Variants in PTPRN2 observed in about 807,000 individuals in gnomAD.
The protein encoded by PTPRN2 is protein tyrosine phosphatase receptor type N2.
Under a neutral mutation model 118.8 loss-of-function variants are expected in PTPRN2, and 74 were observed. That is an observed-to-expected ratio of 0.62 (90% CI 0.52 to 0.76). The LOEUF is 0.76. PTPRN2 is among the 30% of genes least tolerant of loss of function. The pLI is 0.00. For missense variants in PTPRN2, 1,481 were observed against 1,394.4 expected, an observed-to-expected ratio of 1.06 and a Z score of -0.99; for synonymous variants, 641 against 608.0, an observed-to-expected ratio of 1.05 and a Z score of -0.80.
At chr7:157,572,348 C>T (rs1799796135) in intron 19 of PTPRN2, among the ~76,000 whole-genome samples, 1 of 152,134 alleles carries the variant, frequency 6.6e-6, no homozygotes. Context: ...CAATGTGCTG[C>T]GTGAACTCCT....
In PTPRN2 at chr7:158,407,521, GC is replaced by G. The variant is rs1813666186; in HGVS notation, c.163+82213del. On this transcript the variant is annotated intron_variant, in intron 2 of 22. Coordinates refer to ENST00000389418, the MANE Select transcript of PTPRN2 (RefSeq NM_002847.5). Reference sequence around the variant, plus strand: ...TCCTGCGTCCTGGGTCCTGCGTCCTGCGTCCTGCGTCCTGGGTCCTGCGTCC... The same window carrying G: ...TCCTGCGTCCTGGGTCCTGCGTCCTGGTCCTGCGTCCTGGGTCCTGCGTCC... Among the ~76,000 whole-genome samples, 2 of 16,754 alleles carry G rather than the reference GC, an allele frequency of 1.2e-4. 1 individual carries two copies. The highest frequency in any genetic ancestry group is 2.2e-4 in the Non-Finnish European group (2 of 8,960). 11.0% of individuals were successfully genotyped at this position (16,754 alleles called of 152,430 possible).
chr7:157,959,582 G>A (rs1801392887), intron 11 of PTPRN2, among the ~76,000 whole-genome samples: 1 of 152,114 alleles, frequency 6.6e-6, no homozygotes, highest in South Asian at 2.1e-4. Context: ...TGAGCCCATG[G>A]TGAGCTGTTC....
At chr7:158,092,867 G>C (rs1814304935) in intron 10 of PTPRN2, among the ~76,000 whole-genome samples, 1 of 152,192 alleles carries the variant, frequency 6.6e-6, no homozygotes, top group African/African-American at 2.4e-5. Flanking sequence ...GTCTGGCCTT[G>C]AGTAGGTGGG....
In PTPRN2 at chr7:157,990,382, G is replaced by A. The variant is rs951505968; in HGVS notation, c.1723+90916C>T. ...TGGGCACGGGCCAGGAATGCATCAC[G>A]GCACCTGCGCACAGGGGTGGCCTCC... On this transcript the variant is annotated intron_variant, in intron 11 of 22. Transcript: ENST00000389418. This position sits in a 1 kb window ranked among gnomAD's most constrained non-coding sequence, Gnocchi z 4.3. 2.6e-5 allele frequency among the ~76,000 whole-genome samples: 4 copies of A among 152,160 alleles called. No individual in the cohort carries two copies. Among genetic ancestry groups the A allele is most frequent in the African/African-American group, 4.8e-5 (2 of 41,444 alleles).
chr7:157,608,516 G>C (rs1802138503), intron 15 of PTPRN2, among the ~76,000 whole-genome samples: 1 of 152,226 alleles, frequency 6.6e-6, no homozygotes, highest in South Asian at 2.1e-4. Context: ...CTCGTGCGGA[G>C]AGTTCATGTG....
rs71544600 is a variant in PTPRN2 at position 158,407,627 on chromosome 7, G to C, written c.163+82108C>G. Reference sequence around the variant, plus strand: ...CCTGCGTCCTGGGTCCTGGGTCCTGGGTCCTGCGTCCTGGGTCCTGGGTCC... The same window carrying C: ...CCTGCGTCCTGGGTCCTGGGTCCTGCGTCCTGCGTCCTGGGTCCTGGGTCC... On this transcript the variant is annotated intron_variant, in intron 2 of 22. Coordinates refer to ENST00000389418, the MANE Select transcript of PTPRN2 (RefSeq NM_002847.5). 3.5e-4 allele frequency among the ~76,000 whole-genome samples: 20 copies of C among 56,558 alleles called. 2 individuals carry two copies. The South Asian group carries it at 4.7e-3, about 13-fold the overall frequency. 37.1% of individuals were successfully genotyped at this position (56,558 alleles called of 152,430 possible).
At chr7:158,538,880 G>C (rs1392677863) in intron 1 of PTPRN2, among the ~76,000 whole-genome samples, 2 of 152,136 alleles carry the variant, frequency 1.3e-5, no homozygotes, top group African/African-American at 4.8e-5. Context: ...AGGGAACGAA[G>C]ACACGACCCA....
chr7:158,546,523 G>C lies in PTPRN2; in HGVS notation c.112+41035C>G, dbSNP rs906052519. Among the ~76,000 whole-genome samples the C allele has an allele frequency of 2.6e-5, 4 of 152,194 alleles. No individual in the cohort carries two copies. Among genetic ancestry groups the C allele is most frequent in the African/African-American group, 9.6e-5 (4 of 41,456 alleles). ...GTCTAAGTGACTATAGGGCCATGAA[G>C]AAGGGGCCTCCTGATAATCCCTACC... is the stretch of plus-strand genomic sequence containing the variant. On this transcript the variant is annotated intron_variant, in intron 1 of 22. Coordinates refer to ENST00000389418, the MANE Select transcript of PTPRN2 (RefSeq NM_002847.5). This position sits in a 1 kb window ranked among gnomAD's most constrained non-coding sequence, Gnocchi z 5.0.
intron 6 of PTPRN2, among the ~76,000 whole-genome samples, chr7:158,148,458 AC>A (rs1820439932): frequency 1.3e-5 from 1 of 79,866 alleles, no homozygotes. Flanking sequence ...CTCATGCCAC[AC>A]GTCTTTCCCC....
At chr7:157,791,731 C>T (rs776527914) in intron 12 of PTPRN2, among the ~76,000 whole-genome samples, 18 of 152,234 alleles carry the variant, frequency 1.2e-4, no homozygotes, top group South Asian at 6.2e-4. Context: ...GGACTTTGAA[C>T]ATCAAAAATG....
At chr7:157,721,769 T>C (rs1055500499) in intron 12 of PTPRN2, among the ~76,000 whole-genome samples, 1 of 152,180 alleles carries the variant, frequency 6.6e-6, no homozygotes, top group Admixed American at 6.5e-5. Context: ...GGTTTCTGCC[T>C]AGGGCTCCTC....
intron 1 of PTPRN2, among the ~76,000 whole-genome samples, chr7:158,528,806 G>GA (rs59416367): frequency 0.024 from 2,801 of 117,276 alleles, 45 homozygotes; most frequent in African/African-American, 0.054. Context: ...CTCAAAAACG[G>GA]AAAAAAAAAA....
intron 3 of PTPRN2, among the ~76,000 whole-genome samples, chr7:158,290,361 T>C (rs1800037075): frequency 6.6e-6 from 1 of 152,038 alleles, no homozygotes; most frequent in South Asian, 2.1e-4. Flanking sequence ...TCCTGTCTGC[T>C]AACCATGGAG....
intron 12 of PTPRN2, among the ~76,000 whole-genome samples, chr7:157,715,068 C>G (rs1004084323): frequency 6.6e-6 from 1 of 152,260 alleles, no homozygotes; most frequent in Non-Finnish European, 1.5e-5. Context: ...CTGAGCCCGA[C>G]GCGCTTGTCC....
chr7:158,264,012 C>A (rs988434517), intron 3 of PTPRN2, among the ~76,000 whole-genome samples: 10 of 152,206 alleles, frequency 6.6e-5, no homozygotes, highest in Non-Finnish European at 1.3e-4. Context: ...CAACTCTACC[C>A]CTGCCACTCT....
chr7:158,085,220 A>C (rs1585384512), intron 10 of PTPRN2, among the ~76,000 whole-genome samples: 1 of 105,446 alleles, frequency 9.5e-6, no homozygotes, highest in Admixed American at 9.8e-5. Flanking sequence ...CCATCCACAC[A>C]GATACCCATC....
chr7:157,759,391 C>T (rs528979212), intron 12 of PTPRN2, among the ~76,000 whole-genome samples: 2 of 152,184 alleles, frequency 1.3e-5, no homozygotes, highest in Non-Finnish European at 2.9e-5. Flanking sequence ...CTGGCTCCTG[C>T]GGGAACTCCG....
intron 6 of PTPRN2, among the ~76,000 whole-genome samples, chr7:158,153,958 AAAAGGACCT>A (rs1697690950): frequency 6.6e-6 from 1 of 152,134 alleles, no homozygotes; most frequent in Non-Finnish European, 1.5e-5. Context: ...GGACAGAAAG[AAAAGGACCT>A]AAATGGATAG....
chr7:157,797,008 C>T (rs1804911422), intron 12 of PTPRN2, among the ~76,000 whole-genome samples: 1 of 152,218 alleles, frequency 6.6e-6, no homozygotes, highest in Non-Finnish European at 1.5e-5. Context: ...ACTCGCCGCT[C>T]AGACGAACTC....
Sources: allele counts gnomAD v4.1 joint callset (sites outside exome capture counted in the v4.1 genomes callset), GRCh38; gene constraint gnomAD v4.1.1; non-coding constraint Gnocchi (gnomAD v3.1); transcripts MANE v1.5; gene names NCBI Gene and HGNC (gene_info 2026-07-23, HGNC 2026-07-21).